Variants in TEC observed in about 807,000 individuals in gnomAD.
TEC encodes the protein tec protein tyrosine kinase.
TEC carries 72 observed loss-of-function variants against 93.0 expected under a neutral mutation model. That is an observed-to-expected ratio of 0.77 (90% CI 0.64 to 0.94). The LOEUF is 0.94. Ranked by LOEUF, TEC falls within the 40% of genes least tolerant of loss-of-function variation. The probability of loss-of-function intolerance (pLI) is 0.00; values close to 1 mark genes in which losing one functional copy is unlikely to be tolerated. For synonymous variants in TEC, 249 were observed against 247.7 expected (o/e 1.01, Z -0.05); for missense variants, 630 against 757.9 (o/e 0.83, Z 1.98).
At chr4:48,259,301 T>G (rs1372796711) in intron 1 of TEC, among the ~76,000 whole-genome samples, 4 of 152,132 alleles carry the variant, frequency 2.6e-5, no homozygotes, top group Non-Finnish European at 1.5e-5. Flanking sequence ...ACAATATGTA[T>G]AAAAACCCCT....
At chr4:48,256,429 TA>T (rs1216814377) in intron 1 of TEC, among the ~76,000 whole-genome samples, 5 of 148,240 alleles carry the variant, frequency 3.4e-5, no homozygotes, top group African/African-American at 1.2e-4. Flanking sequence ...ACAAAAAATT[TA>T]AAAAAAAAAA....
intron 7 of TEC, among the ~76,000 whole-genome samples, chr4:48,167,411 G>T (rs772385887): frequency 1.6e-4 from 24 of 151,856 alleles, no homozygotes; most frequent in African/African-American, 2.2e-4. Context: ...CGTATATATA[G>T]AGAGAGAGAG....
intron 5 of TEC, 116 bp from the exon 6 acceptor site, chr4:48,168,742 T>G: frequency 1.0e-6 from 1 of 965,930 alleles, no homozygotes; most frequent in Non-Finnish European, 1.6e-6. Flanking sequence ...AGCAGCACAC[T>G]CTGACCAACT....
chr4:48,215,528 A>C (rs1723050239), intron 2 of TEC, among the ~76,000 whole-genome samples: 1 of 152,172 alleles, frequency 6.6e-6, no homozygotes, highest in Non-Finnish European at 1.5e-5. Flanking sequence ...TAATTAAATA[A>C]ATAAAATAGG....
intron 8 of TEC, 95 bp downstream of exon 8, chr4:48,163,607 A>T (rs1242985171): frequency 8.9e-6 from 7 of 790,320 alleles, no homozygotes; most frequent in Non-Finnish European, 1.4e-5. Flanking sequence ...TCAAAGAATC[A>T]TGAAAGATAT....
chr4:48,170,143 C>T lies in TEC; in HGVS notation c.454+105G>A, dbSNP rs547279498. On this transcript the variant is annotated intron_variant, in intron 5 of 17. Coordinates refer to ENST00000381501, the MANE Select transcript of TEC (RefSeq NM_003215.3). ...ACACCTACCCTACATTTTCACTGTA[C>T]TAGAAAGTGTGCTGTACTTAATCAA... 1.3e-4 allele frequency: 122 copies of T among 953,614 alleles called. No individual in the cohort carries two copies. In the African/African-American group the frequency reaches 1.9e-3, roughly 15 times the overall value. The allele number at this position is 953,614 out of a possible 1,614,324, so 59.1% of individuals were successfully genotyped here.
intron 1 of TEC, among the ~76,000 whole-genome samples, chr4:48,241,395 T>A (rs76995850): frequency 6.6e-6 from 1 of 152,188 alleles, no homozygotes; most frequent in Non-Finnish European, 1.5e-5. Context: ...TCTAGCTCTT[T>A]GAATATTCTC....
At chr4:48,265,771 C>G (rs1177746845) in intron 1 of TEC, among the ~76,000 whole-genome samples, 1 of 152,034 alleles carries the variant, frequency 6.6e-6, no homozygotes, top group Admixed American at 6.6e-5. Flanking sequence ...CCTTGGCCTC[C>G]CAAAGTGCTG....
intron 2 of TEC, among the ~76,000 whole-genome samples, chr4:48,207,618 C>CAAA (rs34141042): frequency 9.0e-4 from 92 of 102,476 alleles, no homozygotes; most frequent in Middle Eastern, 5.4e-3. Context: ...CATGTCTCTA[C>CAAA]AAAAAAAAAA....
At chr4:48,236,374 C>T (rs1723784883) in intron 1 of TEC, among the ~76,000 whole-genome samples, 1 of 151,986 alleles carries the variant, frequency 6.6e-6, no homozygotes, top group African/African-American at 2.4e-5. Flanking sequence ...CTCCACCTCC[C>T]GGGTTCACGC....
At chr4:48,262,201 C>CTTTTTTTTTTTTTTTTTTTTTTTTT (rs10659576) in intron 1 of TEC, among the ~76,000 whole-genome samples, 1 of 80,208 alleles carries the variant, frequency 1.2e-5, no homozygotes, top group Non-Finnish European at 2.4e-5. Context: ...CCAAATGTCT[C>CTTTTTTTTTTTTTTTTTTTTTTTTT]TTTTTTTTTT....
At chr4:48,178,751 C>T (rs117859201) in intron 2 of TEC, among the ~76,000 whole-genome samples, 1 of 152,222 alleles carries the variant, frequency 6.6e-6, no homozygotes, top group East Asian at 1.9e-4. Flanking sequence ...CTTCTCCCAC[C>T]CTGCCTACAG....
intron 2 of TEC, among the ~76,000 whole-genome samples, chr4:48,182,683 T>C (rs1330650018): frequency 6.6e-6 from 1 of 152,128 alleles, no homozygotes; most frequent in Non-Finnish European, 1.5e-5. Flanking sequence ...TATAACTTGC[T>C]TTAAACTACA....
chr4:48,166,717 G>T (rs1720886107), intron 7 of TEC, among the ~76,000 whole-genome samples: 1 of 151,758 alleles, frequency 6.6e-6, no homozygotes, highest in South Asian at 2.1e-4. Context: ...ATTAAAAATA[G>T]AAATCAATCT....
At chr4:48,215,488 T>C (rs112135515) in intron 2 of TEC, among the ~76,000 whole-genome samples, 4 of 152,226 alleles carry the variant, frequency 2.6e-5, no homozygotes, top group East Asian at 1.9e-4. Context: ...GTCTGGGCAA[T>C]AGAGTGAGAC....
intron 1 of TEC, among the ~76,000 whole-genome samples, chr4:48,268,110 G>A (rs1724686413): frequency 1.3e-5 from 2 of 152,208 alleles, no homozygotes; most frequent in African/African-American, 4.8e-5. Flanking sequence ...TCCACGGTTT[G>A]GTAAAACATA....
intron 1 of TEC, among the ~76,000 whole-genome samples, chr4:48,256,859 C>T (rs1724360395): frequency 6.6e-6 from 1 of 152,106 alleles, no homozygotes; most frequent in Non-Finnish European, 1.5e-5. Flanking sequence ...CTAGGAGTCC[C>T]CGGTCCTTAG....
chr4:48,143,109 A>C (rs1180994121), intron 14 of TEC, among the ~76,000 whole-genome samples: 3 of 152,142 alleles, frequency 2.0e-5, no homozygotes, highest in African/African-American at 7.2e-5. Context: ...GCATTTTAAG[A>C]GTCTTATAAA....
intron 2 of TEC, among the ~76,000 whole-genome samples, chr4:48,179,370 ATATATATTTTTTTTTT>A (rs1223024028): frequency 1.5e-4 from 5 of 33,722 alleles, no homozygotes; most frequent in East Asian, 1.8e-3. Context: ...ATATATATAT[ATATATATTTTTTTTTT>A]TTTTTTTTTT....
Sources: allele counts gnomAD v4.1 joint callset (sites outside exome capture counted in the v4.1 genomes callset), GRCh38; gene constraint gnomAD v4.1.1; transcripts MANE v1.5; gene names NCBI Gene and HGNC (gene_info 2026-07-23, HGNC 2026-07-21).